The following ATP8B4 variants were observed in gnomAD, a reference collection of about 807,000 sequenced individuals.
ATP8B4 encodes the protein ATPase phospholipid transporting 8B4 (putative).
ATP8B4 carries 133 observed loss-of-function variants against 145.6 expected under a neutral mutation model. The ratio of observed to expected loss-of-function variants is 0.91; its 90% CI spans 0.79 to 1.05. The LOEUF (loss-of-function observed/expected upper bound fraction) is 1.05. Ranked by LOEUF, ATP8B4 falls within the 50% of genes least tolerant of loss-of-function variation. The pLI, the probability that ATP8B4 is intolerant of heterozygous loss-of-function variation, is 0.00. For missense variants in ATP8B4, 1,458 were observed against 1,425.2 expected (o/e 1.02, Z -0.37); for synonymous variants, 507 against 492.9 (o/e 1.03, Z -0.38).
intron 25 of ATP8B4, among the ~76,000 whole-genome samples, chr15:49,868,424 C>T: frequency 6.6e-6 from 1 of 152,158 alleles, no homozygotes; most frequent in Non-Finnish European, 1.5e-5. Flanking sequence ...GAAGAAATTA[C>T]TCAAGGATAT....
chr15:50,001,765 C>T (rs1161428444), intron 8 of ATP8B4, among the ~76,000 whole-genome samples: 1 of 152,176 alleles, frequency 6.6e-6, no homozygotes, highest in East Asian at 1.9e-4. Flanking sequence ...TCATTTGACA[C>T]AGTTCCAAAA....
chr15:50,066,469 A>G (rs529058905), intron 3 of ATP8B4, among the ~76,000 whole-genome samples: 4 of 152,250 alleles, frequency 2.6e-5, no homozygotes, highest in Non-Finnish European at 5.9e-5. Context: ...TCTGGTCATC[A>G]GCCCCATAGG....
In ATP8B4 at chr15:49,934,001, A is replaced by T. The variant is rs528197844; in HGVS notation, c.1453+16T>A. The T allele has an allele frequency of 1.3e-4, 203 of 1,532,872 alleles. No individual in the cohort carries two copies. The highest frequency in any genetic ancestry group is 1.8e-4 in the Non-Finnish European group (200 of 1,139,658). The allele number at this position is 1,532,872 out of a possible 1,614,324, so 95.0% of individuals were successfully genotyped here. The stretch of plus-strand genomic sequence containing the variant: ...CAAAAACAAGGTTCACCACTCAGAC[A>T]TAACTTTTCACTTACCTGCGCTATT... On this transcript the variant is annotated intron_variant, in intron 15 of 27. Coordinates refer to ENST00000284509, the MANE Select transcript of ATP8B4 (RefSeq NM_024837.4).
intron 3 of ATP8B4, among the ~76,000 whole-genome samples, chr15:50,058,717 G>C (rs55725709): frequency 0.01 from 1,550 of 152,230 alleles, 28 homozygotes; most frequent in African/African-American, 0.034. Flanking sequence ...GAGCAACTGG[G>C]ACCCTGATCC....
rs116882152 is a variant in ATP8B4, at chr15:50,111,188, T to C, written c.-42-4180A>G. 2.9e-3 allele frequency among the ~76,000 whole-genome samples: 440 copies of C among 152,304 alleles called. 3 individuals are homozygous for C. Among genetic ancestry groups the C allele is most frequent in the Middle Eastern group, 6.8e-3 (2 of 294 alleles). Reference sequence around the variant, plus strand: ...GTGACTCAACACTTTAAGCAAAGAATTAAAATGGAGAGTCTCTTTAATGAT... The same window carrying C: ...GTGACTCAACACTTTAAGCAAAGAACTAAAATGGAGAGTCTCTTTAATGAT... On this transcript the variant is annotated intron_variant, in intron 1 of 27. Transcript: ENST00000284509.
chr15:50,163,224 A>C (rs921431594), intron 1 of ATP8B4, among the ~76,000 whole-genome samples: 3 of 152,174 alleles, frequency 2.0e-5, no homozygotes, highest in African/African-American at 4.8e-5. Flanking sequence ...TATTTATTGT[A>C]GTCTTCATGG....
chr15:50,031,430 T>C (rs112645818), intron 6 of ATP8B4, among the ~76,000 whole-genome samples: 297 of 152,200 alleles, frequency 2.0e-3, no homozygotes, highest in African/African-American at 6.9e-3. Context: ...AAGCCCACAA[T>C]TGAAAGGGAA....
intron 1 of ATP8B4, among the ~76,000 whole-genome samples, chr15:50,149,167 C>G (rs1235151080): frequency 6.6e-6 from 1 of 152,184 alleles, no homozygotes; most frequent in Non-Finnish European, 1.5e-5. Context: ...ACAATTCTGA[C>G]ACATGATTAG....
chr15:49,933,322 G>C (rs2041432251), intron 15 of ATP8B4, among the ~76,000 whole-genome samples: 1 of 152,058 alleles, frequency 6.6e-6, no homozygotes, highest in African/African-American at 2.4e-5. Flanking sequence ...CAAAGACCTT[G>C]TAGGAAGAAT....
chr15:49,898,896 C>A (rs2037718992), intron 21 of ATP8B4, among the ~76,000 whole-genome samples: 1 of 152,116 alleles, frequency 6.6e-6, no homozygotes, highest in Non-Finnish European at 1.5e-5. Context: ...TTAGCTATAC[C>A]AAGAAATCAC....
At chr15:50,098,448 C>A (rs979833116) in intron 2 of ATP8B4, among the ~76,000 whole-genome samples, 5 of 151,504 alleles carry the variant, frequency 3.3e-5, no homozygotes, top group Non-Finnish European at 5.9e-5. Flanking sequence ...CCATGCCCAG[C>A]TAATTTTTAA....
At chr15:49,974,700 CTTAT>C (rs2045518517) in intron 12 of ATP8B4, among the ~76,000 whole-genome samples, 1 of 151,812 alleles carries the variant, frequency 6.6e-6, no homozygotes, top group Non-Finnish European at 1.5e-5. Context: ...TGATATTTTC[CTTAT>C]TTAATTCCTT....
At chr15:49,997,819 A>G (rs1042067080) in intron 8 of ATP8B4, among the ~76,000 whole-genome samples, 6 of 152,162 alleles carry the variant, frequency 3.9e-5, no homozygotes, top group African/African-American at 1.4e-4. Context: ...AGGAAAGACT[A>G]AGTTGGATGT....
At chr15:50,142,016 T>C (rs1567404586) in intron 1 of ATP8B4, among the ~76,000 whole-genome samples, 1 of 152,142 alleles carries the variant, frequency 6.6e-6, no homozygotes. Context: ...ATACGAGTTT[T>C]TCCTAAAATG....
At chr15:49,920,574 G>T (rs910377919) in intron 17 of ATP8B4, among the ~76,000 whole-genome samples, 164 bp from the exon 18 acceptor site, 2 of 152,170 alleles carry the variant, frequency 1.3e-5, no homozygotes, top group African/African-American at 4.8e-5. Context: ...TCAGAAATGG[G>T]AGATAATGTG....
intron 6 of ATP8B4, among the ~76,000 whole-genome samples, chr15:50,035,323 A>T (rs1425652812): frequency 1.3e-5 from 2 of 152,242 alleles, no homozygotes; most frequent in East Asian, 3.8e-4. Context: ...ATGCAAATTA[A>T]CATATAGGTA....
chr15:50,160,473 GT>G (rs1367981220), intron 1 of ATP8B4, among the ~76,000 whole-genome samples: 21 of 148,010 alleles, frequency 1.4e-4, no homozygotes, highest in Admixed American at 6.7e-5. Context: ...GTATCGTTAA[GT>G]TGTTTATCTG....
chr15:49,903,281 A>G (rs2038246346), intron 20 of ATP8B4, among the ~76,000 whole-genome samples: 1 of 152,254 alleles, frequency 6.6e-6, no homozygotes, highest in Non-Finnish European at 1.5e-5. Flanking sequence ...ACTCCCTTCA[A>G]TGACTATGAG....
In ATP8B4 at chr15:49,934,063, C is replaced by T. The variant is rs1308738087; in HGVS notation, c.1407G>A (p.Arg469=). 14 of 1,612,452 alleles carry T rather than the reference C, an allele frequency of 8.7e-6. No homozygotes were observed. Among genetic ancestry groups the T allele is most frequent in the Non-Finnish European group, 1.1e-5 (13 of 1,179,102 alleles). The part of the protein sequence containing the change: ...MGDPKVHEFL[R]LLALCHTVMS... ...TTACAGTGTGGCAGAGAGCAAGTAA[C>T]CTAAGGAATTCATGAACTTTGGGAT... Residue 469 remains arginine, a synonymous_variant, in exon 15 of 28, where the codon AGG becomes AGA. Coordinates refer to ENST00000284509, the MANE Select transcript of ATP8B4 (RefSeq NM_024837.4).
Sources: allele counts gnomAD v4.1 joint callset (sites outside exome capture counted in the v4.1 genomes callset), GRCh38; gene constraint gnomAD v4.1.1; transcripts MANE v1.5; gene names NCBI Gene and HGNC (gene_info 2026-07-23, HGNC 2026-07-21).